Variants in CTNNA3 observed in about 807,000 individuals in gnomAD.
CTNNA3 encodes the protein catenin alpha 3.
Under a neutral mutation model 95.7 loss-of-function variants are expected in CTNNA3, and 76 were observed. The ratio of observed to expected loss-of-function variants is 0.79; its 90% CI spans 0.66 to 0.96. The LOEUF (loss-of-function observed/expected upper bound fraction) is 0.96, where lower values mean the gene tolerates loss of function less well. CTNNA3 is among the 40% of genes least tolerant of loss of function. CTNNA3 has a pLI of 0.00. For synonymous variants in CTNNA3, 431 were observed against 374.4 expected (o/e 1.15, Z -1.74); for missense variants, 1,191 against 1,089.8 (o/e 1.09, Z -1.31).
At chr10:66,591,120 C>A (rs899765991) in intron 10 of CTNNA3, among the ~76,000 whole-genome samples, 33 of 152,174 alleles carry the variant, frequency 2.2e-4, no homozygotes, top group Non-Finnish European at 3.8e-4. Context: ...AGAACATCAT[C>A]TGTATCATTT....
intron 7 of CTNNA3, among the ~76,000 whole-genome samples, chr10:66,819,406 A>G (rs1052826556): frequency 6.6e-6 from 1 of 152,156 alleles, no homozygotes; most frequent in Non-Finnish European, 1.5e-5. Context: ...AACATTAAGT[A>G]TAAATTTCTT....
intron 7 of CTNNA3, among the ~76,000 whole-genome samples, chr10:66,863,169 A>G (rs1844011795): frequency 6.8e-6 from 1 of 147,006 alleles, no homozygotes; most frequent in African/African-American, 2.5e-5. Flanking sequence ...TAATCACATG[A>G]GCCAATTCTT....
chr10:67,474,334 G>A (rs763469600), intron 5 of CTNNA3, among the ~76,000 whole-genome samples: 5 of 152,084 alleles, frequency 3.3e-5, no homozygotes, highest in Non-Finnish European at 5.9e-5. Flanking sequence ...AATCCAATAC[G>A]ACCGCTGTCC....
chr10:66,069,135 T>C (rs978562200), intron 15 of CTNNA3, among the ~76,000 whole-genome samples, 173 bp downstream of exon 15: 2 of 152,182 alleles, frequency 1.3e-5, no homozygotes, highest in Non-Finnish European at 2.9e-5. Flanking sequence ...GCCATATTTA[T>C]TTATCGATCG....
At position 67,288,000 on chromosome 10, in the gene CTNNA3, T is replaced by C. The variant is rs370135778; in HGVS notation, c.580-68130A>G. Among the ~76,000 whole-genome samples, 138 of 152,280 alleles carry C rather than the reference T, an allele frequency of 9.1e-4. 1 individual carries two copies. Among genetic ancestry groups the C allele is most frequent in the Middle Eastern group, 6.8e-3 (2 of 294 alleles). ...TGTTCATAAAAGACATTTAAAACCA[T>C]TTCATGTATTGTTAATATGCACAGT... On this transcript the variant is annotated intron_variant, in intron 5 of 17. Coordinates refer to ENST00000433211, the MANE Select transcript of CTNNA3 (RefSeq NM_013266.4).
intron 13 of CTNNA3, among the ~76,000 whole-genome samples, chr10:66,245,233 G>A (rs564094185): frequency 5.3e-5 from 8 of 152,256 alleles, no homozygotes; most frequent in African/African-American, 1.4e-4. Context: ...GTTGAACCAG[G>A]CACACTGCAA....
chr10:66,598,212 C>A (rs915139468), intron 10 of CTNNA3, among the ~76,000 whole-genome samples: 1 of 151,982 alleles, frequency 6.6e-6, no homozygotes, highest in South Asian at 2.1e-4. Context: ...ATTTGACATT[C>A]TTTTTTGATA....
intron 5 of CTNNA3, among the ~76,000 whole-genome samples, chr10:67,311,812 A>C (rs1840813489): frequency 6.6e-6 from 1 of 152,162 alleles, no homozygotes; most frequent in Non-Finnish European, 1.5e-5. Flanking sequence ...TAGAAGAGTA[A>C]ATTTTATTGA....
chr10:67,501,251 G>A (rs1023017354), intron 5 of CTNNA3, among the ~76,000 whole-genome samples: 3 of 152,066 alleles, frequency 2.0e-5, no homozygotes, highest in Non-Finnish European at 4.4e-5. Context: ...TGAAATTCTG[G>A]GTTGAAAATT....
At chr10:66,978,552 A>AATATAT (rs1554890349) in intron 7 of CTNNA3, among the ~76,000 whole-genome samples, 484 of 37,872 alleles carry the variant, frequency 0.013, 14 homozygotes, top group African/African-American at 0.036. Context: ...AAAAAAAAAA[A>AATATAT]ATATATATAT....
chr10:67,301,344 A>G (rs2132496333), intron 5 of CTNNA3, among the ~76,000 whole-genome samples: 1 of 152,164 alleles, frequency 6.6e-6, no homozygotes, highest in Non-Finnish European at 1.5e-5. Flanking sequence ...TATCAAAAAG[A>G]TGGAAGATAA....
chr10:67,231,770 T>C (rs1240574242), intron 5 of CTNNA3, among the ~76,000 whole-genome samples: 1 of 151,864 alleles, frequency 6.6e-6, no homozygotes, highest in Non-Finnish European at 1.5e-5. Flanking sequence ...TGAAAAAAAT[T>C]TAGAAGAATG....
At chr10:65,974,445 G>A in intron 16 of CTNNA3, among the ~76,000 whole-genome samples, 1 of 152,146 alleles carries the variant, frequency 6.6e-6, no homozygotes, top group Non-Finnish European at 1.5e-5. Flanking sequence ...TTGCAGCAAT[G>A]TGGATGCAGC....
intron 11 of CTNNA3, among the ~76,000 whole-genome samples, chr10:66,386,410 G>A (rs556947864): frequency 1.2e-4 from 19 of 152,130 alleles, no homozygotes; most frequent in Non-Finnish European, 2.5e-4. Context: ...ACCACTTCAA[G>A]GAGAGCTACA....
At chr10:66,257,290 A>T (rs1346837754) in intron 13 of CTNNA3, among the ~76,000 whole-genome samples, 1 of 152,170 alleles carries the variant, frequency 6.6e-6, no homozygotes, top group African/African-American at 2.4e-5. Context: ...TTAAACATTT[A>T]CTATGGCCCA....
chr10:67,594,596 A>G (rs1196257978), intron 3 of CTNNA3, among the ~76,000 whole-genome samples: 1 of 151,690 alleles, frequency 6.6e-6, no homozygotes, highest in East Asian at 1.9e-4. Flanking sequence ...GGTTGATGGT[A>G]ATGTCCCCAT....
chr10:66,776,493 T>G (rs866058213), intron 7 of CTNNA3, among the ~76,000 whole-genome samples: 6 of 152,152 alleles, frequency 3.9e-5, no homozygotes, highest in Non-Finnish European at 8.8e-5. Flanking sequence ...ACTAAACTCA[T>G]GCATAAACCC....
At chr10:66,237,774 A>G (rs2089927015) in intron 13 of CTNNA3, among the ~76,000 whole-genome samples, 3 of 152,132 alleles carry the variant, frequency 2.0e-5, no homozygotes, top group Non-Finnish European at 4.4e-5. Flanking sequence ...ACATTAGTCA[A>G]GTCTTGTATT....
At chr10:66,073,984 G>A (rs866442188) in intron 14 of CTNNA3, among the ~76,000 whole-genome samples, 5 of 151,896 alleles carry the variant, frequency 3.3e-5, no homozygotes, top group South Asian at 2.1e-4. Context: ...ACAGACACTC[G>A]GAAGCCTCCT....
Sources: gnomAD v4.1 joint callset for allele counts (sites outside exome capture counted in the v4.1 genomes callset) on GRCh38, gnomAD v4.1.1 for gene constraint, MANE v1.5 for transcripts, NCBI Gene and HGNC (gene_info 2026-07-23, HGNC 2026-07-21) for gene names.